INSL6: variants seen among roughly 807,000 people sequenced by gnomAD.
The protein encoded by INSL6 is insulin-like peptide INSL6.
Under a neutral mutation model 9.4 loss-of-function variants are expected in INSL6, and 16 were observed. The ratio of observed to expected loss-of-function variants is 1.70; its 90% CI spans 1.15 to 2.59. The LOEUF is 2.59. Ranked by LOEUF, INSL6 falls within the 30% of genes most tolerant of loss-of-function variation. INSL6 has a pLI of 0.00. For synonymous variants in INSL6, 154 were observed against 96.9 expected, an observed-to-expected ratio of 1.59 and a Z score of -3.46; for missense variants, 391 against 257.3, an observed-to-expected ratio of 1.52 and a Z score of -3.56.
the INSL6 span, among the ~76,000 whole-genome samples, chr9:5,034,642 G>A: frequency 6.6e-6 from 1 of 151,806 alleles, no homozygotes; most frequent in African/African-American, 2.4e-5. Flanking sequence ...ATGACTACTG[G>A]GTACATAACG....
At chr9:5,035,531 C>T in the INSL6 span, among the ~76,000 whole-genome samples, 1 of 152,158 alleles carries the variant, frequency 6.6e-6, no homozygotes, top group East Asian at 1.9e-4. Flanking sequence ...AAAGCTTATC[C>T]ACCATGATCA....
chr9:5,050,486 G>A, the INSL6 span, among the ~76,000 whole-genome samples: 1 of 152,090 alleles, frequency 6.6e-6, no homozygotes, highest in Non-Finnish European at 1.5e-5. Flanking sequence ...GCCCAGGCTG[G>A]TCTCAAACTC....
the INSL6 span, chr9:5,080,347 A>C: frequency 3.7e-6 from 6 of 1,613,746 alleles, no homozygotes; most frequent in Non-Finnish European, 5.1e-6. Context: ...GCAGTGGAGG[A>C]GATAAACCTC....
the INSL6 span, chr9:5,054,741 T>C: frequency 6.2e-7 from 1 of 1,613,344 alleles, no homozygotes; most frequent in South Asian, 1.1e-5. The surrounding 1 kb of genome is among the most constrained non-coding windows in gnomAD (Gnocchi z 4.9). Flanking sequence ...GCAGTCTGCC[T>C]TCTACACAGA....
chr9:5,096,452 C>T, the INSL6 span, among the ~76,000 whole-genome samples: 3 of 152,144 alleles, frequency 2.0e-5, no homozygotes, highest in South Asian at 6.2e-4. Context: ...TAGTTAACAG[C>T]TAAATACCCT....
chr9:5,095,589 T>G, the INSL6 span, among the ~76,000 whole-genome samples: 2 of 152,158 alleles, frequency 1.3e-5, no homozygotes, highest in African/African-American at 4.8e-5. Flanking sequence ...CCCAGGGAAC[T>G]TCTCTAATGT....
intron 2 of INSL6, among the ~76,000 whole-genome samples, chr9:5,137,858 C>T (rs893583295): frequency 6.6e-6 from 1 of 152,014 alleles, no homozygotes; most frequent in African/African-American, 2.4e-5. Context: ...GGGCTAATAT[C>T]CAGAATCTAC....
downstream of INSL6, among the ~76,000 whole-genome samples, chr9:5,160,250 G>C (rs1390270363): frequency 6.7e-6 from 1 of 149,492 alleles, no homozygotes; most frequent in Non-Finnish European, 1.5e-5. Flanking sequence ...ATAATATCAT[G>C]TATCTTTTCT....
chr9:5,044,089 T>C, the INSL6 span, among the ~76,000 whole-genome samples: 63 of 152,378 alleles, frequency 4.1e-4, no homozygotes, highest in Non-Finnish European at 6.9e-4. Context: ...TCAGATTCCC[T>C]ACTGATGTTA....
At chr9:5,142,900 A>T (rs1246791460) in intron 2 of INSL6, among the ~76,000 whole-genome samples, 1 of 152,148 alleles carries the variant, frequency 6.6e-6, no homozygotes, top group East Asian at 1.9e-4. Flanking sequence ...TTGACAGTTT[A>T]ACATGAATGG....
chr9:5,052,934 G>A, the INSL6 span, among the ~76,000 whole-genome samples: 2 of 151,944 alleles, frequency 1.3e-5, no homozygotes, highest in African/African-American at 4.8e-5. Context: ...TTTGGCTATT[G>A]TGACTAATGT....
chr9:5,032,416 A>G, the INSL6 span, among the ~76,000 whole-genome samples: 1,625 of 152,322 alleles, frequency 0.011, 30 homozygotes, highest in African/African-American at 0.038. Flanking sequence ...CCCAGAATGC[A>G]GCTGGAGATC....
the INSL6 span, among the ~76,000 whole-genome samples, chr9:5,023,176 C>G: frequency 1.3e-5 from 2 of 152,164 alleles, no homozygotes; most frequent in African/African-American, 4.8e-5. Flanking sequence ...CCCATATAAC[C>G]TTGCCAGTCT....
chr9:5,126,173 C>T, intron 3 of INSL6: 1 of 544,536 alleles, frequency 1.8e-6, no homozygotes, highest in Non-Finnish European at 3.2e-6. Flanking sequence ...TATTTAACAG[C>T]CTTATGTTTT....
At chr9:5,110,308 C>G in the INSL6 span, 1 of 152,314 alleles carries the variant, frequency 6.6e-6, no homozygotes, top group African/African-American at 2.4e-5. Context: ...TCTCCAGGGG[C>G]TGTTACCACC....
downstream of INSL6, among the ~76,000 whole-genome samples, chr9:5,162,325 G>A (rs943995756): frequency 5.3e-5 from 8 of 151,858 alleles, no homozygotes; most frequent in Admixed American, 1.3e-4. Flanking sequence ...TTAAAAGGCT[G>A]ACATTAAACC....
chr9:5,105,393 C>G, the INSL6 span, among the ~76,000 whole-genome samples: 18 of 152,270 alleles, frequency 1.2e-4, 1 homozygote, highest in African/African-American at 4.1e-4. Context: ...AACTACAAAC[C>G]ACTGCTCAAT....
chr9:5,135,800 C>T (rs1188980428), intron 2 of INSL6, among the ~76,000 whole-genome samples: 5 of 150,674 alleles, frequency 3.3e-5, no homozygotes, highest in African/African-American at 7.3e-5. Context: ...GACAGAGACA[C>T]AAAAACCCTT....
chr9:5,070,905 C>T, the INSL6 span, among the ~76,000 whole-genome samples: 44,865 of 151,928 alleles, frequency 0.3, 7,134 homozygotes, highest in African/African-American at 0.42. Flanking sequence ...TGCAAGGCCA[C>T]GAGTTAAAAG....
Sources: gnomAD v4.1 joint callset for allele counts (sites outside exome capture counted in the v4.1 genomes callset) on GRCh38, gnomAD v4.1.1 for gene constraint, Gnocchi (gnomAD v3.1) non-coding constraint, MANE v1.5 for transcripts, NCBI Gene and HGNC (gene_info 2026-07-23, HGNC 2026-07-21) for gene names.